The following RGS5 variants were observed in gnomAD, a reference collection of about 807,000 sequenced individuals.
RGS5 encodes the protein regulator of G-protein signalling 5.
RGS5 carries 20 observed loss-of-function variants against 18.9 expected under a neutral mutation model. The observed-to-expected ratio is 1.06, with a 90% CI of 0.74 to 1.54. The LOEUF (loss-of-function observed/expected upper bound fraction) is 1.54. RGS5 is among the 40% of genes most tolerant of loss of function. RGS5 has a pLI of 0.00. For missense variants in RGS5, 201 were observed against 211.8 expected, an observed-to-expected ratio of 0.95 and a Z score of 0.32; for synonymous variants, 57 against 76.2, an observed-to-expected ratio of 0.75 and a Z score of 1.31.
chr1:163,275,883 G>A (rs1157103182), intron 2 of RGS5, among the ~76,000 whole-genome samples: 1 of 152,144 alleles, frequency 6.6e-6, no homozygotes, highest in Non-Finnish European at 1.5e-5. Flanking sequence ...GGCTGGTTTT[G>A]AGGGATAGAA....
intron 1 of RGS5, among the ~76,000 whole-genome samples, chr1:163,169,897 T>C (rs1658223798): frequency 1.3e-5 from 2 of 152,186 alleles, no homozygotes; most frequent in South Asian, 2.1e-4. Context: ...TGAGTACTAA[T>C]TGCCAAACAA....
At chr1:163,266,355 T>G (rs532252390) in intron 2 of RGS5, among the ~76,000 whole-genome samples, 2 of 152,320 alleles carry the variant, frequency 1.3e-5, no homozygotes, top group African/African-American at 4.8e-5. Context: ...ATCTCTTTTT[T>G]GATTCTTGCA....
chr1:163,285,906 C>A (rs1571341134), intron 2 of RGS5, among the ~76,000 whole-genome samples: 1 of 152,054 alleles, frequency 6.6e-6, no homozygotes. Flanking sequence ...GAACCATGAG[C>A]CGATTATATC....
chr1:163,239,153 AT>A, intron 2 of RGS5: 1 of 163,876 alleles, frequency 6.1e-6, no homozygotes, highest in Non-Finnish European at 1.4e-5. Flanking sequence ...TTGGGGCTCT[AT>A]TACAACAGCT....
chr1:163,292,027 A>G (rs933586936), intron 2 of RGS5, among the ~76,000 whole-genome samples: 2 of 152,130 alleles, frequency 1.3e-5, no homozygotes, highest in African/African-American at 4.8e-5. Flanking sequence ...TCAACTTTTA[A>G]GTTCAGGGGT....
intron 1 of RGS5, among the ~76,000 whole-genome samples, chr1:163,315,447 C>T (rs1456031190): frequency 6.6e-6 from 1 of 152,098 alleles, no homozygotes; most frequent in African/African-American, 2.4e-5. Flanking sequence ...TTAAGAATAT[C>T]TAATTTGTTT....
chr1:163,309,649 G>C (rs978525008), intron 1 of RGS5, among the ~76,000 whole-genome samples: 1 of 152,072 alleles, frequency 6.6e-6, no homozygotes, highest in African/African-American at 2.4e-5. Context: ...CTCCACTAAA[G>C]TCATGAAGTC....
At chr1:163,177,363 G>A (rs1658602545) in intron 1 of RGS5, among the ~76,000 whole-genome samples, 1 of 152,226 alleles carries the variant, frequency 6.6e-6, no homozygotes, top group Non-Finnish European at 1.5e-5. Flanking sequence ...ACAAGGTGTA[G>A]TCAGGGCAGA....
upstream of RGS5, among the ~76,000 whole-genome samples, chr1:163,220,550 G>C (rs1230171734): frequency 1.3e-5 from 2 of 152,110 alleles, no homozygotes; most frequent in African/African-American, 4.8e-5. Flanking sequence ...TTCAAACTTA[G>C]TCCATCTGAT....
chr1:163,194,837 T>C (rs1478589648), intron 1 of RGS5, among the ~76,000 whole-genome samples: 1 of 152,168 alleles, frequency 6.6e-6, no homozygotes, highest in East Asian at 1.9e-4. Flanking sequence ...TTGTTAACTT[T>C]TAAGTATGAT....
At chr1:163,163,048 G>GGT (rs1553213484) in intron 2 of RGS5, among the ~76,000 whole-genome samples, 52 of 140,876 alleles carry the variant, frequency 3.7e-4, no homozygotes, top group African/African-American at 1.2e-3. Context: ...TCGGGGGGGG[G>GGT]GGTGGTTAAT....
At chr1:163,170,499 C>T (rs977516746) in intron 1 of RGS5, among the ~76,000 whole-genome samples, 5 of 152,042 alleles carry the variant, frequency 3.3e-5, no homozygotes, top group African/African-American at 1.2e-4. Flanking sequence ...ATACTTTCCT[C>T]ATTTGTTCAC....
intron 1 of RGS5, chr1:163,306,340 T>C (rs1269809828): frequency 1.3e-5 from 2 of 152,136 alleles, no homozygotes; most frequent in African/African-American, 4.8e-5. Flanking sequence ...CTAAGAAAAA[T>C]AAAATGAATC....
intron 2 of RGS5, among the ~76,000 whole-genome samples, chr1:163,242,102 C>G (rs925695520): frequency 2.0e-5 from 3 of 152,112 alleles, no homozygotes; most frequent in African/African-American, 7.2e-5. Flanking sequence ...AAAATAATAA[C>G]TTGTTTTTAA....
At chr1:163,210,536 A>G (rs1447431101) in intron 1 of RGS5, among the ~76,000 whole-genome samples, 1 of 152,216 alleles carries the variant, frequency 6.6e-6, no homozygotes, top group African/African-American at 2.4e-5. Context: ...GTACAGACTG[A>G]AGAAAGAGAG....
chr1:163,284,613 C>A (rs1006996806), intron 2 of RGS5, among the ~76,000 whole-genome samples: 1 of 152,106 alleles, frequency 6.6e-6, no homozygotes, highest in African/African-American at 2.4e-5. Flanking sequence ...TTTAGAGAAT[C>A]CTGGGGCCAA....
At chr1:163,252,731 T>TAAGAA (rs1234062921) in intron 2 of RGS5, among the ~76,000 whole-genome samples, 1 of 152,126 alleles carries the variant, frequency 6.6e-6, no homozygotes, top group Non-Finnish European at 1.5e-5. Context: ...TGGGGACAAA[T>TAAGAA]GTAAAACAAA....
At chr1:163,217,635 C>G in exon 1 of RGS5, 1 of 1,530,464 alleles carries the variant, frequency 6.5e-7, no homozygotes, top group Non-Finnish European at 8.8e-7. Context: ...TCAGACACTT[C>G]TTTCCTGGGC....
chr1:163,299,266 T>C (rs561204629), intron 2 of RGS5, among the ~76,000 whole-genome samples: 1 of 152,298 alleles, frequency 6.6e-6, no homozygotes, highest in Admixed American at 6.5e-5. Context: ...CTGTATTTTA[T>C]ATATTGGGAG....
Sources: gnomAD v4.1 joint callset for allele counts (sites outside exome capture counted in the v4.1 genomes callset) on GRCh38, gnomAD v4.1.1 for gene constraint, MANE v1.5 for transcripts, NCBI Gene and HGNC (gene_info 2026-07-23, HGNC 2026-07-21) for gene names.